USP21: variants seen among roughly 807,000 people sequenced by gnomAD.
USP21 encodes ubiquitin specific peptidase 21, also known as ubiquitin carboxyl-terminal hydrolase 21.
In USP21, 37 loss-of-function variants were observed where a neutral mutation model predicts 70.8. The ratio of observed to expected loss-of-function variants is 0.52; its 90% CI spans 0.40 to 0.69. The LOEUF (loss-of-function observed/expected upper bound fraction) is 0.69, where lower values mean the gene tolerates loss of function less well. USP21 is among the 30% of genes least tolerant of loss of function. The pLI, the probability that USP21 is intolerant of heterozygous loss-of-function variation, is 0.00. For synonymous variants in USP21, 263 were observed against 283.1 expected, an observed-to-expected ratio of 0.93 and a Z score of 0.71; for missense variants, 584 against 740.8, an observed-to-expected ratio of 0.79 and a Z score of 2.46.
Position 161,163,987 on chromosome 1 carries a change from A to T in USP21, c.1218+6A>T, listed in dbSNP as rs1433701540. On this transcript the variant is annotated splice_donor_region_variant and intron_variant, in intron 9 of 13. Coordinates refer to ENST00000368002, the MANE Select transcript of USP21 (RefSeq NM_001014443.3). Reference sequence around the variant, plus strand: ...TGTCCCTGCCCATCCCCAAGGTGGGATTCCAGAGGATTCCGGGGTGGACAG... The same window carrying T: ...TGTCCCTGCCCATCCCCAAGGTGGGTTTCCAGAGGATTCCGGGGTGGACAG... The T allele has an allele frequency of 1.2e-6, 2 of 1,613,384 alleles. No individual in the cohort carries two copies. The highest frequency in any genetic ancestry group is 4.5e-5 in the East Asian group (2 of 44,896).
rs773447985 is a variant in USP21, at chr1:161,161,098, G to A, written c.458G>A (p.Arg153His). The change falls in exon 3 of 14, where the codon CGT becomes CAT. Residue 153 changes from arginine to histidine, a missense_variant. Around this residue, in one of 4 missense-constraint regions of USP21, gnomAD observed 284 missense variants for 281.0 expected, o/e 1.01. Transcript: ENST00000368002. The surrounding 1 kb of genome is among the most constrained non-coding windows in gnomAD (Gnocchi z 4.2). ...ALRPEPPTLR[R>H]STSLRRLGGF... ...CGGCCTGAGCCACCCACTTTGAGAC[G>A]TAGCACTTCTCTCCGCCGCCTAGGG... 1.1e-5 allele frequency: 17 copies of A among 1,614,114 alleles called. No individual in the cohort carries two copies. Among genetic ancestry groups the A allele is most frequent in the East Asian group, 8.9e-5 (4 of 44,898 alleles).
At position 161,160,443 on chromosome 1, in the gene USP21, TG is replaced by T; in HGVS notation, c.-84del. The T allele has an allele frequency of 4.4e-6, 3 of 679,932 alleles. No individual in the cohort carries two copies. The highest frequency in any genetic ancestry group is 7.9e-6 in the Non-Finnish European group (3 of 379,888). The allele number at this position is 679,932 out of a possible 1,614,324, so 42.1% of individuals were successfully genotyped here. A position where few individuals can be genotyped will look rare whatever the true frequency, so the allele number is the denominator to read the frequency against. ...GTATACTGCTCCCCACTTTCGTTGA[TG>T]TGGTAGTGGTGATGACTGAGCCAAC... On this transcript the variant is annotated 5_prime_UTR_variant, in exon 2 of 14. It removes an upstream start codon present in the reference 5' UTR. Coordinates refer to ENST00000368002, the MANE Select transcript of USP21 (RefSeq NM_001014443.3).
At chr1:161,163,522 T>C (rs373844423) in intron 7 of USP21, 33 bp from the exon 8 acceptor site, 2 of 1,608,832 alleles carry the variant, frequency 1.2e-6, no homozygotes, top group South Asian at 2.2e-5. Context: ...TGCTGTCTCA[T>C]GGGTGCTCCC....
In USP21 at chr1:161,160,513, A is replaced by G; in HGVS notation, c.-22+7A>G. 2 of 1,189,196 alleles carry G rather than the reference A, an allele frequency of 1.7e-6. No individual in the cohort carries two copies. The highest frequency in any genetic ancestry group is 2.4e-6 in the Non-Finnish European group (2 of 827,592). 73.7% of individuals were successfully genotyped at this position (1,189,196 alleles called of 1,614,324 possible). ...GAGGACAGCAAGATTGTGGGTATGG[A>G]ATGGGGCAAAGCAATAAGGGAAAAT... On this transcript the variant is annotated splice_region_variant and intron_variant, in intron 2 of 13. Coordinates refer to ENST00000368002, the MANE Select transcript of USP21 (RefSeq NM_001014443.3).
chr1:161,161,097 C>T lies in USP21; in HGVS notation c.457C>T (p.Arg153Cys), dbSNP rs1229292579. ...ALRPEPPTLR[R>C]STSLRRLGGF... ...CCGGCCTGAGCCACCCACTTTGAGA[C>T]GTAGCACTTCTCTCCGCCGCCTAGG... Residue 153 changes from arginine (R) to cysteine (C), a missense_variant, in exon 3 of 14, where the codon CGT becomes TGT. Physicochemically the swap from Arg to Cys is radical, Grantham distance 180. This residue lies in a region of USP21 where 284 missense variants were observed against 281.0 expected (regional missense o/e 1.01). Coordinates refer to ENST00000368002, the MANE Select transcript of USP21 (RefSeq NM_001014443.3). The surrounding 1 kb of genome is among the most constrained non-coding windows in gnomAD (Gnocchi z 4.2). The T allele has an allele frequency of 6.2e-6, 10 of 1,614,126 alleles. No individual in the cohort carries two copies. Among genetic ancestry groups the T allele is most frequent in the Non-Finnish European group, 8.5e-6 (10 of 1,180,044 alleles).
In USP21 at chr1:161,164,787, C is replaced by T. The variant is rs773062071; in HGVS notation, c.1385-48C>T. ...GACAGCTTTCAGGATAGAAGAAGTT[C>T]CCCTCAGAGGCCCACTGCCTCCCAA... On this transcript the variant is annotated intron_variant, in intron 11 of 13. Coordinates refer to ENST00000368002, the MANE Select transcript of USP21 (RefSeq NM_001014443.3). This position sits in a 1 kb window ranked among gnomAD's most constrained non-coding sequence, Gnocchi z 4.2. 1.3e-6 allele frequency: 2 copies of T among 1,598,496 alleles called. No individual in the cohort carries two copies. Among genetic ancestry groups the T allele is most frequent in the East Asian group, 2.2e-5 (1 of 44,652 alleles).
In USP21 at chr1:161,160,869, C is replaced by A; in HGVS notation, c.229C>A (p.Arg77Ser). Reference protein sequence around the residue: ...ELGRGRTSGPRPRGPLRADHG... With the variant: ...ELGRGRTSGPSPRGPLRADHG... Reference sequence around the variant, plus strand: ...GGGACGGGGACGGACCTCAGGCCCTCGTCCCAGAGGCCCCCTTCGAGCAGA... The same window carrying A: ...GGGACGGGGACGGACCTCAGGCCCTAGTCCCAGAGGCCCCCTTCGAGCAGA... The change falls in exon 3 of 14, where the codon CGT (arginine) becomes AGT (serine). Residue 77 changes from arginine (R) to serine (S), a missense_variant. Physicochemically the swap from Arg to Ser is moderately radical, Grantham distance 110. This residue lies in a region of USP21 where 284 missense variants were observed against 281.0 expected (regional missense o/e 1.01). Transcript: ENST00000368002. The A allele has an allele frequency of 6.2e-7, 1 of 1,614,228 alleles. No individual in the cohort carries two copies.
In USP21 at chr1:161,164,261, G is replaced by A; in HGVS notation, c.1305+11G>A. ...TCGGAGAATGCCCCAGTATGTGGAG[G>A]TTCACAAGGGATACAGTAAGGGTGG... On this transcript the variant is annotated intron_variant, in intron 10 of 13. Coordinates refer to ENST00000368002, the MANE Select transcript of USP21 (RefSeq NM_001014443.3). This position sits in a 1 kb window ranked among gnomAD's most constrained non-coding sequence, Gnocchi z 4.2. 6.2e-7 allele frequency: 1 copy of A among 1,613,384 alleles called. No homozygotes were observed. The highest frequency in any genetic ancestry group is 1.6e-4 in the Middle Eastern group (1 of 6,062).
At position 161,161,571 on chromosome 1, in the gene USP21, C is replaced by T. The variant is rs186695541; in HGVS notation, c.600+331C>T. ...GCCTAGGCCTAATTAATCTCTGGAG[C>T]TAAAGAGAGGCAGGCACAGAACATC... is the stretch of plus-strand genomic sequence containing the variant. On this transcript the variant is annotated intron_variant, in intron 3 of 13. Coordinates refer to ENST00000368002, the MANE Select transcript of USP21 (RefSeq NM_001014443.3). This position sits in a 1 kb window ranked among gnomAD's most constrained non-coding sequence, Gnocchi z 4.2. 2.2e-4 allele frequency: 84 copies of T among 383,206 alleles called. No individual in the cohort carries two copies. The East Asian group carries it at 3.4e-3, about 15-fold the overall frequency. The allele number at this position is 383,206 out of a possible 1,614,324, so 23.7% of individuals were successfully genotyped here.
rs776021910 is a variant in USP21 at position 161,161,017 on chromosome 1, T to G, written c.377T>G (p.Leu126Trp). ...SGDLRPMGIA[L>W]GGHRGTGELG... ...GACTTGCGTCCAATGGGGATTGCCT[T>G]GGGAGGGCACCGTGGCACCGGAGAG... Residue 126 changes from leucine (L) to tryptophan (W), a missense_variant, in exon 3 of 14, where the codon TTG becomes TGG. By Grantham distance (61) the Leu-to-Trp change is moderately conservative (BLOSUM62 -2). Coordinates refer to ENST00000368002, the MANE Select transcript of USP21 (RefSeq NM_001014443.3). The surrounding 1 kb of genome is among the most constrained non-coding windows in gnomAD (Gnocchi z 4.2). 2 of 1,614,102 alleles carry G rather than the reference T, an allele frequency of 1.2e-6. No homozygotes were observed. The highest frequency in any genetic ancestry group is 1.7e-6 in the Non-Finnish European group (2 of 1,180,048).
chr1:161,161,888 G>A lies in USP21; in HGVS notation c.601-150G>A, dbSNP rs1203406857. 1.3e-6 allele frequency: 1 copy of A among 748,106 alleles called. No homozygotes were observed. Among genetic ancestry groups the A allele is most frequent in the Admixed American group, 2.0e-5 (1 of 48,804 alleles). The allele number at this position is 748,106 out of a possible 1,614,324, so 46.3% of individuals were successfully genotyped here. A position where few individuals can be genotyped will look rare whatever the true frequency, so the allele number is the denominator to read the frequency against. On this transcript the variant is annotated intron_variant, in intron 3 of 13. Transcript: ENST00000368002. This position sits in a 1 kb window ranked among gnomAD's most constrained non-coding sequence, Gnocchi z 4.2. Reference sequence around the variant, plus strand: ...TTACTGCTCATGACCAGTGAGGTAGGGAGACTAGAATACCTAGTGAGGGGA... The same window carrying A: ...TTACTGCTCATGACCAGTGAGGTAGAGAGACTAGAATACCTAGTGAGGGGA...
At position 161,164,584 on chromosome 1, in the gene USP21, A is replaced by G. The variant is rs1333581784; in HGVS notation, c.1356A>G (p.Val452=). The G allele has an allele frequency of 6.2e-7, 1 of 1,614,222 alleles. No homozygotes were observed. Residue 452 remains valine, a synonymous_variant, in exon 11 of 14, where the codon GTA becomes GTG. Coordinates refer to ENST00000368002, the MANE Select transcript of USP21 (RefSeq NM_001014443.3). The surrounding 1 kb of genome is among the most constrained non-coding windows in gnomAD (Gnocchi z 4.2). ...QKTRSTKKLT[V]QRFPRILVLH... ...CTCGAAGTACCAAAAAGTTGACAGT[A>G]CAAAGATTCCCTCGAATCCTCGTGC...
intron 13 of USP21, 91 bp downstream of exon 13, chr1:161,165,234 A>G: frequency 7.0e-7 from 1 of 1,429,080 alleles, no homozygotes; most frequent in Middle Eastern, 1.8e-4. Context: ...GCAGAGTGCC[A>G]GGTGAAAGGA....
At position 161,160,027 on chromosome 1, in the gene USP21, G is replaced by A. The variant is rs137981452; in HGVS notation, c.-162-339G>A. On this transcript the variant is annotated intron_variant, in intron 1 of 13. Coordinates refer to ENST00000368002, the MANE Select transcript of USP21 (RefSeq NM_001014443.3). ...GAGGTCGGAGGTGGGGGAGGGAATG[G>A]ATCGTAAGTCACCCATATAGTCTGC... 2.5e-3 allele frequency among the ~76,000 whole-genome samples: 386 copies of A among 152,320 alleles called. 4 individuals are homozygous for A. The highest frequency in any genetic ancestry group is 0.017 in the Middle Eastern group (5 of 294).
At position 161,165,590 on chromosome 1, in the gene USP21, TAAAA is replaced by T. The variant is rs1017885701; in HGVS notation, c.*146_*149del. 1.8e-5 allele frequency: 11 copies of T among 608,002 alleles called. No individual in the cohort carries two copies. Among genetic ancestry groups the T allele is most frequent in the Non-Finnish European group, 3.2e-5 (11 of 348,572 alleles). The allele number at this position is 608,002 out of a possible 1,614,324, so 37.7% of individuals were successfully genotyped here. ...GTTGTAGCTCCATTATTTTTTTTAT[TAAAA>T]AATACCCTTCCACCTGGAGGCTCCC... On this transcript the variant is annotated 3_prime_UTR_variant, in exon 14 of 14. Transcript: ENST00000368002.
In USP21 at chr1:161,165,487, C is replaced by T. The variant is rs747202481; in HGVS notation, c.*40C>T. 24 of 1,493,914 alleles carry T rather than the reference C, an allele frequency of 1.6e-5. No individual in the cohort carries two copies. The highest frequency in any genetic ancestry group is 2.3e-5 in the South Asian group (2 of 87,498). The allele number at this position is 1,493,914 out of a possible 1,614,324, so 92.5% of individuals were successfully genotyped here. The stretch of plus-strand genomic sequence containing the variant: ...GGCACCTGTGAAGCCCTTTAAACAC[C>T]CTTAAGCCCCAGGCTCCCCGTTTAC... On this transcript the variant is annotated 3_prime_UTR_variant, in exon 14 of 14. Coordinates refer to ENST00000368002, the MANE Select transcript of USP21 (RefSeq NM_001014443.3).
chr1:161,163,687 A>G lies in USP21; in HGVS notation c.1114+68A>G, dbSNP rs569798986. On this transcript the variant is annotated intron_variant, in intron 8 of 13. Transcript: ENST00000368002. ...GGGGGGTACAGGCTTGGGGGGAAAA[A>G]TCGATACTATCAAGGGGTATGGGAA... The G allele has an allele frequency of 9.9e-6, 15 of 1,514,556 alleles. No individual in the cohort carries two copies. In the African/African-American group the frequency reaches 1.8e-4, roughly 18 times the overall value. 93.8% of individuals were successfully genotyped at this position (1,514,556 alleles called of 1,614,324 possible). A position where few individuals can be genotyped will look rare whatever the true frequency, so the allele number is the denominator to read the frequency against.
At chr1:161,163,407 T>C in intron 7 of USP21, 148 bp from the exon 8 acceptor site, 1 of 739,660 alleles carries the variant, frequency 1.4e-6, no homozygotes, top group Non-Finnish European at 2.3e-6. Flanking sequence ...ATTGAGGCAT[T>C]ATTCTTTTGA....
In USP21 at chr1:161,163,052, C is replaced by G; in HGVS notation, c.1027C>G (p.Leu343Val). Residue 343 changes from leucine (L) to valine (V), a missense_variant, in exon 7 of 14, where the codon CTG becomes GTG. By Grantham distance (32) the Leu-to-Val change is conservative. Coordinates refer to ENST00000368002, the MANE Select transcript of USP21 (RefSeq NM_001014443.3). ...CTCTCCACCCCGCCGAGGAGGGGCT[C>G]TGCTAGAAGAACCTGAGTTAAGGTA... ...VPSPPRRGGA[L>V]LEEPELSDDD... 1.9e-6 allele frequency: 3 copies of G among 1,607,936 alleles called. No individual in the cohort carries two copies. The highest frequency in any genetic ancestry group is 2.5e-6 in the Non-Finnish European group (3 of 1,177,924).
Sources: allele counts gnomAD v4.1 joint callset (sites outside exome capture counted in the v4.1 genomes callset), GRCh38; gene constraint gnomAD v4.1.1; regional missense constraint gnomAD v4.1.1; non-coding constraint Gnocchi (gnomAD v3.1); transcripts MANE v1.5; gene names NCBI Gene and HGNC (gene_info 2026-07-23, HGNC 2026-07-21).